ZNF701: variants seen among roughly 807,000 people sequenced by gnomAD.
ZNF701 encodes zinc finger protein 701.
A neutral mutation model predicts 7.1 loss-of-function variants in ZNF701; 6 were observed. That is an observed-to-expected ratio of 0.84 (90% CI 0.46 to 1.66). ZNF701 has a LOEUF of 1.66. ZNF701 is among the 40% of genes most tolerant of loss of function. ZNF701 has a pLI of 0.01. For synonymous variants in ZNF701, 166 were observed against 188.2 expected (o/e 0.88, Z 0.97); for missense variants, 541 against 559.2 (o/e 0.97, Z 0.33).
At chr19:52,598,018 C>T in the ZNF701 span, 5 of 152,522 alleles carry the variant, frequency 3.3e-5, no homozygotes, top group South Asian at 2.1e-4. Context: ...GATCTCGGCT[C>T]ATTGCAAGCT....
In ZNF701 at chr19:52,583,546, A is replaced by G; in HGVS notation, c.*89A>G. 1 of 1,588,534 alleles carries G rather than the reference A, an allele frequency of 6.3e-7. No homozygotes were observed. The highest frequency in any genetic ancestry group is 8.6e-7 in the Non-Finnish European group (1 of 1,158,492). ...CTGGAGAGAAACCTTACAAATGTGA[A>G]GAATGTGACAAAAGTTTTCAATTTC... On this transcript the variant is annotated 3_prime_UTR_variant, in exon 4 of 4. Transcript: ENST00000391785.
chr19:52,592,225 G>A, the ZNF701 span: 3 of 1,577,080 alleles, frequency 1.9e-6, no homozygotes, highest in Non-Finnish European at 2.6e-6. Context: ...CCTGGAGTTT[G>A]TGGGTGAGGA....
chr19:52,574,100 C>T lies in ZNF701; in HGVS notation c.-48C>T, dbSNP rs375644641. ...AGGATTGACTTCTAAAGACTTGGTACGTGAGGAAAAAACACGGAAGAGGAA... is the reference window on the plus strand; with the variant it reads ...AGGATTGACTTCTAAAGACTTGGTATGTGAGGAAAAAACACGGAAGAGGAA... On this transcript the variant is annotated 5_prime_UTR_variant, in exon 2 of 4. The change creates a new upstream start codon in the 5' untranslated region. Coordinates refer to ENST00000391785, the MANE Select transcript of ZNF701 (RefSeq NM_018260.3). 77 of 1,611,912 alleles carry T rather than the reference C, an allele frequency of 4.8e-5. No homozygotes were observed. Among genetic ancestry groups the T allele is most frequent in the Middle Eastern group, 3.3e-4 (2 of 6,058 alleles).
At chr19:52,593,399 T>A in the ZNF701 span, among the ~76,000 whole-genome samples, 10 of 108,710 alleles carry the variant, frequency 9.2e-5, 2 homozygotes, top group South Asian at 9.6e-4. Context: ...GCGGCTGGCC[T>A]GGCGGGGGGC....
At chr19:52,589,099 T>A (rs551419497), downstream of ZNF701, among the ~76,000 whole-genome samples, 44 of 152,334 alleles carry the variant, frequency 2.9e-4, no homozygotes, top group African/African-American at 9.4e-4. Flanking sequence ...CTTTTTGGAT[T>A]TGCTATTTCC....
chr19:52,581,284 A>G (rs901419524), intron 3 of ZNF701, among the ~76,000 whole-genome samples: 5 of 152,106 alleles, frequency 3.3e-5, no homozygotes, highest in Admixed American at 2.6e-4. Flanking sequence ...CAGTGGCACA[A>G]TCTCAGCTCA....
chr19:52,584,550 T>C lies in ZNF701; in HGVS notation c.*1093T>C, dbSNP rs150029147. 0.017 allele frequency: 2,640 copies of C among 152,412 alleles called. 27 individuals carry two copies. The highest frequency in any genetic ancestry group is 0.027 in the Non-Finnish European group (1,848 of 68,074). 9.4% of individuals were successfully genotyped at this position (152,412 alleles called of 1,614,324 possible). On this transcript the variant is annotated 3_prime_UTR_variant, in exon 4 of 4. Transcript: ENST00000391785. ...CACATTGGCTTATATAATAACAATA[T>C]TGATTTTTCCAAACCATCAATGTGG...
At chr19:52,589,213 C>T (rs913296258), downstream of ZNF701, among the ~76,000 whole-genome samples, 22 of 152,202 alleles carry the variant, frequency 1.4e-4, no homozygotes, top group African/African-American at 5.3e-4. Context: ...AATCTTACTC[C>T]TGTGGTCTTA....
rs162831 is a variant in ZNF701, at chr19:52,574,348, T to G, written c.15+186T>G. On this transcript the variant is annotated intron_variant, in intron 2 of 3. Transcript: ENST00000391785. ...TCTCTTGTGACTGAGTGACATGAAC[T>G]TGGGAAGAGGCTGCACTGGGCATGG... 0.23 allele frequency among the ~76,000 whole-genome samples: 34,249 copies of G among 151,898 alleles called. 5,289 individuals are homozygous for G. Among genetic ancestry groups the G allele is most frequent in the African/African-American group, 0.45 (18,465 of 41,350 alleles).
intron 3 of ZNF701, among the ~76,000 whole-genome samples, chr19:52,577,884 C>T (rs888107454): frequency 6.6e-6 from 1 of 152,068 alleles, no homozygotes; most frequent in East Asian, 1.9e-4. Flanking sequence ...ATGCTCCTCC[C>T]GTACTCCTGG....
chr19:52,571,356 A>G (rs1007989522), intron 1 of ZNF701, among the ~76,000 whole-genome samples: 7 of 152,018 alleles, frequency 4.6e-5, no homozygotes, highest in Non-Finnish European at 8.8e-5. Context: ...CTGGGGTGCT[A>G]GAGAGTGGGG....
the ZNF701 span, among the ~76,000 whole-genome samples, chr19:52,593,235 C>G: frequency 1.7e-5 from 2 of 118,806 alleles, 1 homozygote; most frequent in African/African-American, 6.5e-5. Context: ...CACCTTTCCC[C>G]CCTTTCTATT....
rs983229414 is a variant in ZNF701 at position 52,584,490 on chromosome 19, T to TA, written c.*1034dup. ...TTTTTGTTTCTTTAACAAAAACCAA[T>TA]AGGGGTTTTTATAGGTATTGTGTTG... On this transcript the variant is annotated 3_prime_UTR_variant, in exon 4 of 4. Transcript: ENST00000391785. 2 of 152,924 alleles carry TA rather than the reference T, an allele frequency of 1.3e-5. No individual in the cohort carries two copies. Among genetic ancestry groups the TA allele is most frequent in the Non-Finnish European group, 2.9e-5 (2 of 68,572 alleles). The allele number at this position is 152,924 out of a possible 1,614,324, so 9.5% of individuals were successfully genotyped here.
At chr19:52,589,430 A>G (rs1307894392), downstream of ZNF701, among the ~76,000 whole-genome samples, 10 of 148,504 alleles carry the variant, frequency 6.7e-5, no homozygotes, top group East Asian at 2.0e-3. Context: ...TTTTGTTCAC[A>G]TTATGCATTT....
rs2059996966 is a variant in ZNF701 at position 52,584,589 on chromosome 19, G to A, written c.*1132G>A. ...CCATCAATGTGGGTTGTATATATATGTTTTTAATCATTTTGGTTAATGTTT... is the reference window on the plus strand; with the variant it reads ...CCATCAATGTGGGTTGTATATATATATTTTTAATCATTTTGGTTAATGTTT... On this transcript the variant is annotated 3_prime_UTR_variant, in exon 4 of 4. Coordinates refer to ENST00000391785, the MANE Select transcript of ZNF701 (RefSeq NM_018260.3). 1 of 152,114 alleles carries A rather than the reference G, an allele frequency of 6.6e-6. No homozygotes were observed. The highest frequency in any genetic ancestry group is 2.4e-5 in the African/African-American group (1 of 41,408). The allele number at this position is 152,114 out of a possible 1,614,324, so 9.4% of individuals were successfully genotyped here.
chr19:52,583,480 T>G lies in ZNF701; in HGVS notation c.*23T>G. 6.2e-7 allele frequency: 1 copy of G among 1,609,108 alleles called. No homozygotes were observed. Among genetic ancestry groups the G allele is most frequent in the Non-Finnish European group, 8.5e-7 (1 of 1,177,058 alleles). ...TAGAAGTGTAAATTTGCAAGGTTTTTAGGCAACAGTCAAACCTTGCATGTC... is the reference window on the plus strand; with the variant it reads ...TAGAAGTGTAAATTTGCAAGGTTTTGAGGCAACAGTCAAACCTTGCATGTC... On this transcript the variant is annotated 3_prime_UTR_variant, in exon 4 of 4. Coordinates refer to ENST00000391785, the MANE Select transcript of ZNF701 (RefSeq NM_018260.3).
chr19:52,578,205 G>T (rs1600077536), intron 3 of ZNF701, among the ~76,000 whole-genome samples: 1 of 125,928 alleles, frequency 7.9e-6, no homozygotes, highest in East Asian at 2.5e-4. Context: ...AGTGAGCCGA[G>T]ATCGCACCAC....
downstream of ZNF701, among the ~76,000 whole-genome samples, chr19:52,591,089 C>T (rs115731209): frequency 9.2e-3 from 1,399 of 152,212 alleles, 21 homozygotes; most frequent in African/African-American, 0.032. Context: ...CCACCCATCT[C>T]GGCCTCCATA....
rs146594627 is a variant in ZNF701 at position 52,583,187 on chromosome 19, C to G, written c.1128C>G (p.His376Gln). 1.3e-5 allele frequency: 21 copies of G among 1,613,620 alleles called. No individual in the cohort carries two copies. In the African/African-American group the frequency reaches 2.7e-4, roughly 21 times the overall value. Residue 376 changes from histidine to glutamine, a missense_variant, in exon 4 of 4, where the codon CAC becomes CAG. By Grantham distance (24) the His-to-Gln change is conservative. Coordinates refer to ENST00000391785, the MANE Select transcript of ZNF701 (RefSeq NM_018260.3). ...ACCTGGCACAACATACTGTAATTCACACTGGAGAGAAACCTTACAAGTGTA... is the reference window on the plus strand; with the variant it reads ...ACCTGGCACAACATACTGTAATTCAGACTGGAGAGAAACCTTACAAGTGTA... ...DSHLAQHTVIHTGEKPYKCNE... is the reference protein window; with the variant it reads ...DSHLAQHTVIQTGEKPYKCNE...
Sources: allele counts gnomAD v4.1 joint callset (sites outside exome capture counted in the v4.1 genomes callset), GRCh38; gene constraint gnomAD v4.1.1; transcripts MANE v1.5; gene names NCBI Gene and HGNC (gene_info 2026-07-23, HGNC 2026-07-21).